Variants in SLC2A13 observed in about 807,000 individuals in gnomAD.
SLC2A13 encodes the protein proton myo-inositol cotransporter.
Under a neutral mutation model 64.4 loss-of-function variants are expected in SLC2A13, and 32 were observed. That is an observed-to-expected ratio of 0.50 (90% CI 0.37 to 0.67). SLC2A13 has a LOEUF of 0.67. SLC2A13 is among the 30% of genes least tolerant of loss of function. The pLI, the probability that SLC2A13 is intolerant of heterozygous loss-of-function variation, is 0.00. For missense variants in SLC2A13, 743 were observed against 829.2 expected, an observed-to-expected ratio of 0.90 and a Z score of 1.28; for synonymous variants, 338 against 327.1, an observed-to-expected ratio of 1.03 and a Z score of -0.36.
chr12:39,771,442 C>A lies in SLC2A13; in HGVS notation c.1446-6584G>T, dbSNP rs1940573076. Among the ~76,000 whole-genome samples the A allele has an allele frequency of 2.0e-5, 3 of 152,128 alleles. 1 individual carries two copies. The South Asian group carries it at 6.2e-4, about 31-fold the overall frequency. Reference sequence around the variant, plus strand: ...GATTTGTGGAAGGAACTGAGGGCAGCCTCTGTCCAACAGCAAGCAAGAAAC... The same window carrying A: ...GATTTGTGGAAGGAACTGAGGGCAGACTCTGTCCAACAGCAAGCAAGAAAC... On this transcript the variant is annotated intron_variant, in intron 7 of 9. Transcript: ENST00000280871.
At chr12:39,826,927 C>A (rs1444621304) in intron 7 of SLC2A13, among the ~76,000 whole-genome samples, 2 of 140,208 alleles carry the variant, frequency 1.4e-5, no homozygotes, top group East Asian at 4.3e-4. Flanking sequence ...CTGGTGGCTT[C>A]CTTGCCTCCA....
intron 3 of SLC2A13, among the ~76,000 whole-genome samples, chr12:39,973,140 T>C (rs1482359357): frequency 6.6e-6 from 1 of 152,182 alleles, no homozygotes; most frequent in Admixed American, 6.5e-5. Context: ...CTCAACTCCA[T>C]TCTAAGCAGG....
intron 4 of SLC2A13, among the ~76,000 whole-genome samples, chr12:39,879,678 T>C (rs1944293055): frequency 1.3e-5 from 2 of 152,198 alleles, no homozygotes; most frequent in Admixed American, 1.3e-4. Context: ...ATCTTGGAAG[T>C]AACTAACTTG....
chr12:39,789,347 G>C (rs922959374), intron 7 of SLC2A13, among the ~76,000 whole-genome samples: 1 of 151,940 alleles, frequency 6.6e-6, no homozygotes, highest in African/African-American at 2.4e-5. Flanking sequence ...TTAATATTAT[G>C]CTTTTGAAAT....
At position 39,764,710 on chromosome 12, in the gene SLC2A13, C is replaced by T. The variant is rs185604157; in HGVS notation, c.1567+27G>A. The stretch of plus-strand genomic sequence containing the variant: ...CCAAAAAGAGGCAATTCAATTAATG[C>T]AACAGTATAACAAAGTCTTTGTTTA... On this transcript the variant is annotated intron_variant, in intron 8 of 9. Transcript: ENST00000280871. 2,698 of 1,605,832 alleles carry T rather than the reference C, an allele frequency of 1.7e-3. 3 individuals carry two copies. Among genetic ancestry groups the T allele is most frequent in the Middle Eastern group, 5.8e-3 (35 of 6,014 alleles).
At chr12:39,794,968 T>C (rs1025411497) in intron 7 of SLC2A13, among the ~76,000 whole-genome samples, 1 of 152,166 alleles carries the variant, frequency 6.6e-6, no homozygotes, top group African/African-American at 2.4e-5. Context: ...ATTTTCTCCT[T>C]CTCTTTGCTG....
At chr12:39,837,490 G>T (rs1414147625) in intron 6 of SLC2A13, among the ~76,000 whole-genome samples, 2 of 139,036 alleles carry the variant, frequency 1.4e-5, no homozygotes, top group East Asian at 2.1e-4. Flanking sequence ...ATTGACAAAT[G>T]GGATCTAATT....
chr12:39,861,642 T>C (rs1300047686), intron 6 of SLC2A13, among the ~76,000 whole-genome samples: 1 of 152,188 alleles, frequency 6.6e-6, no homozygotes. Flanking sequence ...AGTGTGGAAC[T>C]GAAGGTCATA....
chr12:39,919,354 T>A (rs1202591346), intron 4 of SLC2A13, among the ~76,000 whole-genome samples: 1 of 152,136 alleles, frequency 6.6e-6, no homozygotes, highest in Non-Finnish European at 1.5e-5. Flanking sequence ...ATTGAAAAGA[T>A]AACTGTGTGA....
intron 1 of SLC2A13, among the ~76,000 whole-genome samples, chr12:40,075,023 C>A (rs1938115055): frequency 1.3e-5 from 2 of 152,290 alleles, no homozygotes; most frequent in South Asian, 4.1e-4. Flanking sequence ...GCCACTTACA[C>A]TGTGTTTTAA....
rs1054612891 is a variant in SLC2A13 at position 39,805,095 on chromosome 12, C to A, written c.1445+25008G>T. The stretch of plus-strand genomic sequence containing the variant: ...CTGGGCAGGCAAGAACAGTGAGGGT[C>A]ATCAGTGACGACAATGGAGGGAGCC... On this transcript the variant is annotated intron_variant, in intron 7 of 9. Transcript: ENST00000280871. 3.6e-5 allele frequency among the ~76,000 whole-genome samples: 3 copies of A among 83,076 alleles called. No homozygotes were observed. In the Admixed American group the frequency reaches 3.9e-4, roughly 11 times the overall value. 54.5% of individuals were successfully genotyped at this position (83,076 alleles called of 152,430 possible).
Position 39,760,011 on chromosome 12 carries a change from A to C in SLC2A13, c.*15T>G. 3 of 1,596,694 alleles carry C rather than the reference A, an allele frequency of 1.9e-6. No individual in the cohort carries two copies. The highest frequency in any genetic ancestry group is 2.6e-6 in the Non-Finnish European group (3 of 1,165,230). ...CCAGTTTGTTTAAATAACTAAATAT[A>C]TGAGCAGCTGAAAATTATTCCACAT... On this transcript the variant is annotated 3_prime_UTR_variant, in exon 10 of 10. Transcript: ENST00000280871.
In SLC2A13 at chr12:40,081,458, T is replaced by C. The variant is rs17483551; in HGVS notation, c.556+23795A>G. On this transcript the variant is annotated intron_variant, in intron 1 of 9. Coordinates refer to ENST00000280871, the MANE Select transcript of SLC2A13 (RefSeq NM_052885.4). ...AACTGGTCTTCAAGCTCTGAGATTCTTTCCTCAGATTGGTCTATTCTGCTT... is the reference window on the plus strand; with the variant it reads ...AACTGGTCTTCAAGCTCTGAGATTCCTTCCTCAGATTGGTCTATTCTGCTT... Among the ~76,000 whole-genome samples the C allele has an allele frequency of 3.1e-3, 470 of 152,348 alleles. 5 individuals are homozygous for C. Among genetic ancestry groups the C allele is most frequent in the East Asian group, 0.027 (138 of 5,184 alleles).
intron 4 of SLC2A13, among the ~76,000 whole-genome samples, chr12:39,917,072 A>T (rs1035930138): frequency 6.6e-6 from 1 of 152,030 alleles, no homozygotes; most frequent in Admixed American, 6.6e-5. Context: ...TGGCAGCAAA[A>T]CCAAACACGG....
chr12:39,841,005 A>G (rs1192916779), intron 6 of SLC2A13, among the ~76,000 whole-genome samples: 1 of 152,108 alleles, frequency 6.6e-6, no homozygotes, highest in Non-Finnish European at 1.5e-5. Flanking sequence ...GAATCACACC[A>G]TGAATTGTTC....
chr12:39,902,587 T>C (rs1945158480), intron 4 of SLC2A13, among the ~76,000 whole-genome samples: 1 of 152,076 alleles, frequency 6.6e-6, no homozygotes, highest in African/African-American at 2.4e-5. Flanking sequence ...GAAGAAATTA[T>C]CTTGTCCTCA....
At chr12:39,899,317 T>C (rs1410180414) in intron 4 of SLC2A13, among the ~76,000 whole-genome samples, 18 of 152,260 alleles carry the variant, frequency 1.2e-4, no homozygotes, top group African/African-American at 4.1e-4. Context: ...TCTGTGGGAT[T>C]GGTGGTGATA....
At chr12:39,931,967 T>C (rs1945832535) in intron 4 of SLC2A13, among the ~76,000 whole-genome samples, 1 of 152,168 alleles carries the variant, frequency 6.6e-6, no homozygotes, top group Non-Finnish European at 1.5e-5. Context: ...TTTATTTTGT[T>C]ACTCTTGTAG....
chr12:39,896,358 G>GTATACATATA (rs1565528142), intron 4 of SLC2A13, among the ~76,000 whole-genome samples: 1 of 137,072 alleles, frequency 7.3e-6, no homozygotes, highest in Admixed American at 7.4e-5. Flanking sequence ...GTATGTATAT[G>GTATACATATA]TGTATATATG....
Sources: gnomAD v4.1 joint callset for allele counts (sites outside exome capture counted in the v4.1 genomes callset) on GRCh38, gnomAD v4.1.1 for gene constraint, MANE v1.5 for transcripts, NCBI Gene and HGNC (gene_info 2026-07-23, HGNC 2026-07-21) for gene names.